Variants in LRP1B observed in about 807,000 individuals in gnomAD.
LRP1B encodes the protein LDL receptor related protein 1B, also known as low-density lipoprotein receptor-related protein 1B.
LRP1B carries 217 observed loss-of-function variants against 556.6 expected under a neutral mutation model. The observed-to-expected ratio is 0.39, with a 90% CI of 0.35 to 0.44. The LOEUF (loss-of-function observed/expected upper bound fraction) is 0.44. Among genes scored for constraint, LRP1B ranks in the 20% least tolerant of loss-of-function variants. The pLI, the probability that LRP1B is intolerant of heterozygous loss-of-function variation, is 1.00. For missense variants in LRP1B, 5,053 were observed against 5,620.8 expected (o/e 0.90, Z 3.23); for synonymous variants, 2,047 against 1,865.8 (o/e 1.10, Z -2.50).
intron 15 of LRP1B, among the ~76,000 whole-genome samples, chr2:141,002,510 G>A (rs1255866481): frequency 6.6e-6 from 1 of 151,990 alleles, no homozygotes; most frequent in Admixed American, 6.6e-5. Context: ...AAATAGTGCA[G>A]TATTTGCATA....
chr2:141,934,078 A>C (rs867934824), intron 1 of LRP1B, among the ~76,000 whole-genome samples: 3 of 152,192 alleles, frequency 2.0e-5, no homozygotes, highest in Admixed American at 6.5e-5. Context: ...AAAGCAATCA[A>C]TTATAAAATA....
chr2:142,119,512 C>A (rs4662398), intron 1 of LRP1B, among the ~76,000 whole-genome samples: 131,913 of 152,092 alleles, frequency 0.87, 57,432 homozygotes, highest in East Asian at 0.94. Flanking sequence ...CTTTTTCTCA[C>A]AGTGGAGAAT....
At chr2:140,364,528 T>C (rs1682663518) in intron 72 of LRP1B, 133 bp downstream of exon 72, 3 of 1,006,744 alleles carry the variant, frequency 3.0e-6, no homozygotes, top group Admixed American at 2.9e-5. Flanking sequence ...AAAAGCTGTA[T>C]CTGTGGTTAT....
chr2:141,142,630 A>G (rs1701682863), intron 7 of LRP1B, among the ~76,000 whole-genome samples: 1 of 152,184 alleles, frequency 6.6e-6, no homozygotes, highest in Non-Finnish European at 1.5e-5. Context: ...GGCTTCAATG[A>G]ACCTGTTCTC....
intron 32 of LRP1B, among the ~76,000 whole-genome samples, chr2:140,782,795 C>G (rs915821756): frequency 2.0e-5 from 3 of 152,106 alleles, no homozygotes; most frequent in Non-Finnish European, 4.4e-5. Flanking sequence ...AAGTTCCAGG[C>G]CCTTTGCAAG....
chr2:141,596,844 C>T (rs374604271), intron 2 of LRP1B, among the ~76,000 whole-genome samples: 1 of 151,940 alleles, frequency 6.6e-6, no homozygotes, highest in African/African-American at 2.4e-5. Flanking sequence ...AAGAAATAAA[C>T]ACTTGAAACA....
intron 2 of LRP1B, among the ~76,000 whole-genome samples, chr2:141,563,353 T>A (rs577826418): frequency 1.2e-4 from 18 of 151,836 alleles, no homozygotes; most frequent in Admixed American, 2.0e-4. Flanking sequence ...AATAAATAAA[T>A]TGCCAAAGAA....
At chr2:142,076,790 T>G (rs1370765783) in intron 1 of LRP1B, among the ~76,000 whole-genome samples, 1 of 152,120 alleles carries the variant, frequency 6.6e-6, no homozygotes, top group South Asian at 2.1e-4. Flanking sequence ...TTTATAATCA[T>G]ACTCTCCAAA....
At chr2:140,912,880 T>C (rs1003418461) in intron 21 of LRP1B, among the ~76,000 whole-genome samples, 1 of 151,848 alleles carries the variant, frequency 6.6e-6, no homozygotes, top group African/African-American at 2.4e-5. Flanking sequence ...CTAGAGTTTC[T>C]CTTTTCTGTG....
At chr2:140,886,658 T>C (rs1693645299) in intron 23 of LRP1B, among the ~76,000 whole-genome samples, 1 of 151,940 alleles carries the variant, frequency 6.6e-6, no homozygotes, top group South Asian at 2.1e-4. Flanking sequence ...GACAACTTAA[T>C]GCTCAGAAAA....
intron 6 of LRP1B, among the ~76,000 whole-genome samples, chr2:141,219,878 CAG>C (rs1474412565): frequency 1.3e-5 from 2 of 152,222 alleles, no homozygotes; most frequent in East Asian, 3.9e-4. Flanking sequence ...GAAAAACAAA[CAG>C]AAAGCAACAA....
intron 6 of LRP1B, among the ~76,000 whole-genome samples, chr2:141,198,716 G>A (rs954705701): frequency 2.0e-5 from 3 of 152,046 alleles, no homozygotes; most frequent in Non-Finnish European, 4.4e-5. Context: ...TATGGTAGAT[G>A]CACTTAGAAA....
intron 1 of LRP1B, among the ~76,000 whole-genome samples, chr2:142,130,257 G>A (rs994363405): frequency 3.3e-5 from 5 of 152,234 alleles, no homozygotes; most frequent in Admixed American, 6.5e-5. Flanking sequence ...CACGCTTAAC[G>A]CGGAGAACCT....
At chr2:140,413,098 A>G (rs1328332408) in intron 66 of LRP1B, among the ~76,000 whole-genome samples, 2 of 152,184 alleles carry the variant, frequency 1.3e-5, no homozygotes, top group Non-Finnish European at 2.9e-5. Flanking sequence ...GGTATAAAGT[A>G]TAAAAGTAGT....
chr2:140,662,802 A>G (rs958921103), intron 41 of LRP1B, among the ~76,000 whole-genome samples: 8 of 152,192 alleles, frequency 5.3e-5, no homozygotes, highest in Admixed American at 2.6e-4. Context: ...AGGAAACATC[A>G]TTCCTTCTGA....
chr2:140,829,258 T>G (rs1053261337), intron 31 of LRP1B, among the ~76,000 whole-genome samples: 1 of 152,162 alleles, frequency 6.6e-6, no homozygotes, highest in Admixed American at 6.5e-5. Flanking sequence ...ACAGTGATGT[T>G]AAACTACACT....
intron 2 of LRP1B, among the ~76,000 whole-genome samples, chr2:141,648,584 T>C (rs934325531): frequency 6.6e-6 from 1 of 152,228 alleles, no homozygotes; most frequent in African/African-American, 2.4e-5. Flanking sequence ...TCTGTGAGTT[T>C]CTTGAGGTCA....
rs202188358 is a variant in LRP1B at position 141,837,397 on chromosome 2, C to T, written c.83-26996G>A. ...CAAATTAGAGGATTTTTCTTATCCTCGAACTCATTCCATTTTTCTATAAAT... is the reference window on the plus strand; with the variant it reads ...CAAATTAGAGGATTTTTCTTATCCTTGAACTCATTCCATTTTTCTATAAAT... On this transcript the variant is annotated intron_variant, in intron 1 of 90. Coordinates refer to ENST00000389484, the MANE Select transcript of LRP1B (RefSeq NM_018557.3). Among the ~76,000 whole-genome samples, 17 of 152,048 alleles carry T rather than the reference C, an allele frequency of 1.1e-4. No individual in the cohort carries two copies. In the East Asian group the frequency reaches 2.7e-3, roughly 24 times the overall value.
intron 43 of LRP1B, among the ~76,000 whole-genome samples, chr2:140,558,566 A>T (rs1351110982): frequency 6.6e-6 from 1 of 152,146 alleles, no homozygotes; most frequent in East Asian, 1.9e-4. Context: ...GGAAGTAGAT[A>T]CCTGGTTGCT....
Sources: allele counts gnomAD v4.1 joint callset (sites outside exome capture counted in the v4.1 genomes callset), GRCh38; gene constraint gnomAD v4.1.1; transcripts MANE v1.5; gene names NCBI Gene and HGNC (gene_info 2026-07-23, HGNC 2026-07-21).